The following ABCB1 variants were observed in gnomAD, a reference collection of about 807,000 sequenced individuals.
The protein encoded by ABCB1 is ATP binding cassette subfamily B member 1.
ABCB1 carries 69 observed loss-of-function variants against 142.0 expected under a neutral mutation model. The ratio of observed to expected loss-of-function variants is 0.49; its 90% CI spans 0.40 to 0.59. The LOEUF (loss-of-function observed/expected upper bound fraction) is 0.59, where lower values mean the gene tolerates loss of function less well. Ranked by LOEUF, ABCB1 falls within the 20% of genes least tolerant of loss-of-function variation. ABCB1 has a pLI of 0.00. For synonymous variants in ABCB1, 532 were observed against 539.2 expected (o/e 0.99, Z 0.18); for missense variants, 1,326 against 1,554.7 (o/e 0.85, Z 2.47).
intron 4 of ABCB1, among the ~76,000 whole-genome samples, chr7:87,570,802 C>G (rs562883877): frequency 6.6e-6 from 1 of 152,036 alleles, no homozygotes; most frequent in East Asian, 1.9e-4. Context: ...TATACACACA[C>G]GAGCACAATT....
At chr7:87,522,011 C>A in intron 21 of ABCB1, 1 of 904,494 alleles carries the variant, frequency 1.1e-6, no homozygotes, top group African/African-American at 1.6e-5. Flanking sequence ...CCTGTCAAAG[C>A]AAGAGATGGT....
intron 1 of ABCB1, among the ~76,000 whole-genome samples, chr7:87,611,329 C>T (rs150251439): frequency 6.6e-6 from 1 of 152,290 alleles, no homozygotes; most frequent in East Asian, 1.9e-4. Context: ...GATCCTATCA[C>T]CCAGAGTGCC....
At chr7:87,516,072 C>T (rs1219041007) in intron 24 of ABCB1, among the ~76,000 whole-genome samples, 5 of 151,912 alleles carry the variant, frequency 3.3e-5, no homozygotes, top group Non-Finnish European at 7.4e-5. Context: ...ATAACGAGAC[C>T]CTGTCTCTAC....
At chr7:87,691,791 T>C (rs1451246278) in intron 1 of ABCB1, among the ~76,000 whole-genome samples, 1 of 152,176 alleles carries the variant, frequency 6.6e-6, no homozygotes, top group Non-Finnish European at 1.5e-5. Flanking sequence ...ACTGACTAAT[T>C]ATCCTCCATC....
intron 4 of ABCB1, among the ~76,000 whole-genome samples, chr7:87,578,876 G>A (rs987666356): frequency 1.3e-5 from 2 of 151,492 alleles, no homozygotes; most frequent in Admixed American, 1.3e-4. Context: ...TGTATTTTTA[G>A]TAGAGACAGG....
At chr7:87,694,841 AG>A (rs1828357192) in intron 1 of ABCB1, among the ~76,000 whole-genome samples, 1 of 152,196 alleles carries the variant, frequency 6.6e-6, no homozygotes, top group Non-Finnish European at 1.5e-5. Context: ...TTCAATATTC[AG>A]ATTTTTGCTG....
At chr7:87,700,107 G>A (rs1272050723) in intron 1 of ABCB1, among the ~76,000 whole-genome samples, 2 of 152,088 alleles carry the variant, frequency 1.3e-5, no homozygotes, top group East Asian at 3.9e-4. Flanking sequence ...CTATTTAAGC[G>A]ACTGTATTAG....
intron 1 of ABCB1, chr7:87,709,245 C>G (rs1183545177): frequency 4.1e-6 from 4 of 984,668 alleles, no homozygotes; most frequent in Non-Finnish European, 4.8e-6. Context: ...ACAGCATAGT[C>G]TCCTGTGCTG....
chr7:87,703,914 G>GTTTTTTTTTTTTTTTTTTTTTTTTTTTT (rs35797972), intron 1 of ABCB1, among the ~76,000 whole-genome samples: 4 of 42,970 alleles, frequency 9.3e-5, no homozygotes, highest in African/African-American at 1.9e-4. Flanking sequence ...TTTTTTTTTG[G>GTTTTTTTTTTTTTTTTTTTTTTTTTTTT]TTTTTTTTTT....
At chr7:87,507,280 G>A (rs997692181) in intron 26 of ABCB1, among the ~76,000 whole-genome samples, 18 of 152,174 alleles carry the variant, frequency 1.2e-4, no homozygotes, top group Non-Finnish European at 1.9e-4. Context: ...GAGAGGCAAA[G>A]TATATTTAAA....
chr7:87,697,555 G>A (rs868272602), intron 1 of ABCB1, among the ~76,000 whole-genome samples: 1 of 152,198 alleles, frequency 6.6e-6, no homozygotes, highest in African/African-American at 2.4e-5. Flanking sequence ...AGATTCCAAA[G>A]CAAGTAATGT....
intron 21 of ABCB1, among the ~76,000 whole-genome samples, chr7:87,530,970 GGA>G (rs1275865980): frequency 2.0e-5 from 3 of 151,334 alleles, no homozygotes; most frequent in Non-Finnish European, 2.9e-5. Context: ...AGGAAGGAGT[GGA>G]GAGAGAGTGA....
intron 1 of ABCB1, among the ~76,000 whole-genome samples, chr7:87,625,896 T>G (rs1386696919): frequency 6.6e-6 from 1 of 151,580 alleles, no homozygotes; most frequent in African/African-American, 2.4e-5. Context: ...TCTTAAAATT[T>G]TAATGTATGA....
intron 1 of ABCB1, among the ~76,000 whole-genome samples, chr7:87,639,261 C>T (rs1459595426): frequency 6.6e-6 from 1 of 151,018 alleles, no homozygotes; most frequent in African/African-American, 2.4e-5. Context: ...GTGCAGAGAA[C>T]ATATTCTGAA....
Position 87,682,600 on chromosome 7 carries a change from C to T in ABCB1, c.-331+30561G>A, listed in dbSNP as rs145736891. 3.8e-4 allele frequency among the ~76,000 whole-genome samples: 58 copies of T among 152,248 alleles called. 1 individual carries two copies. Among genetic ancestry groups the T allele is most frequent in the African/African-American group, 1.3e-3 (53 of 41,540 alleles). On this transcript the variant is annotated intron_variant, in intron 1 of 28. Coordinates refer to the ABCB1 transcript ENST00000265724. Reference sequence around the variant, plus strand: ...GGTGACTAGGTGCATTGTCAATGAGCAGTAATACTTTGAAAGGAATCTTTT... The same window carrying T: ...GGTGACTAGGTGCATTGTCAATGAGTAGTAATACTTTGAAAGGAATCTTTT...
At chr7:87,658,034 G>T (rs760017634) in intron 1 of ABCB1, among the ~76,000 whole-genome samples, 1 of 152,090 alleles carries the variant, frequency 6.6e-6, no homozygotes, top group Non-Finnish European at 1.5e-5. Flanking sequence ...CAAGAACCAG[G>T]AAGATCTCAG....
intron 19 of ABCB1, 138 bp downstream of exon 19, chr7:87,539,130 C>T: frequency 1.1e-6 from 1 of 918,042 alleles, no homozygotes; most frequent in Non-Finnish European, 1.7e-6. Flanking sequence ...GGTTCAACCG[C>T]ATCTCTGACG....
intron 21 of ABCB1, chr7:87,521,589 T>C (rs894791619): frequency 1.3e-6 from 1 of 758,876 alleles, no homozygotes; most frequent in Admixed American, 1.7e-5. Flanking sequence ...TGCTCATGGA[T>C]TGCGTGGTAA....
At chr7:87,515,195 A>C in intron 25 of ABCB1, 36 bp downstream of exon 25, 1 of 1,611,032 alleles carries the variant, frequency 6.2e-7, no homozygotes, top group Non-Finnish European at 8.5e-7. Flanking sequence ...TGGATGATGA[A>C]AACCTGAACT....
Sources: allele counts gnomAD v4.1 joint callset (sites outside exome capture counted in the v4.1 genomes callset), GRCh38; gene constraint gnomAD v4.1.1; transcripts MANE v1.5; gene names NCBI Gene and HGNC (gene_info 2026-07-23, HGNC 2026-07-21).